The following KCNH2 variants were observed in gnomAD, a reference collection of about 807,000 sequenced individuals.
KCNH2 encodes the protein voltage-gated inwardly rectifying potassium channel KCNH2.
KCNH2 carries 35 observed loss-of-function variants against 95.9 expected under a neutral mutation model. The ratio of observed to expected loss-of-function variants is 0.37; its 90% confidence interval spans 0.28 to 0.48. The LOEUF is 0.48. Ranked by LOEUF, KCNH2 falls within the 20% of genes least tolerant of loss-of-function variation. The probability of loss-of-function intolerance (pLI) is 0.99; values close to 1 mark genes in which losing one functional copy is unlikely to be tolerated. For synonymous variants in KCNH2, 786 were observed against 754.7 expected (o/e 1.04, Z -0.68); for missense variants, 1,274 against 1,702.9 (o/e 0.75, Z 4.43).
Position 150,958,259 on chromosome 7 carries a change from G to A in KCNH2, c.716C>T (p.Ser239Phe). The change falls in exon 4 of 15, where the codon TCT becomes TTT. Residue 239 changes from serine to phenylalanine, a missense_variant. Coordinates refer to ENST00000262186, the MANE Select transcript of KCNH2 (RefSeq NM_000238.4). ...CTGGCCGGGCGCGCTGCGGGGCGGA[G>A]AGCCGGGACCCACCAGCGCACGCCG... ...EERRALVGPG[S>F]PPRSAPGQLP... is the part of the protein sequence containing the mutation. The A allele has an allele frequency of 1.4e-6, 2 of 1,434,370 alleles. No homozygotes were observed. The highest frequency in any genetic ancestry group is 1.8e-6 in the Non-Finnish European group (2 of 1,097,308). The allele number at this position is 1,434,370 out of a possible 1,614,324, so 88.9% of individuals were successfully genotyped here.
At chr7:150,974,336 C>A (rs1000796084) in intron 2 of KCNH2, among the ~76,000 whole-genome samples, 4 of 152,318 alleles carry the variant, frequency 2.6e-5, no homozygotes, top group Non-Finnish European at 5.9e-5. Flanking sequence ...GCACAACTGC[C>A]AATCTGACCT....
At position 150,948,489 on chromosome 7, in the gene KCNH2, G is replaced by A. The variant is rs201765446; in HGVS notation, c.2647C>T (p.Arg883Trp). The change falls in exon 11 of 15, where the codon CGG becomes TGG. Residue 883 changes from arginine to tryptophan, a missense_variant. Transcript: ENST00000262186. ...AAGGACAACTTGCGCTTGCGTTGCC[G>A]ACTGAAGCCACCCTCTAACTCCGTA... ...GSTELEGGFS[R>W]QRKRKLSFRR... 3.3e-5 allele frequency: 51 copies of A among 1,539,584 alleles called. No individual in the cohort carries two copies. The highest frequency in any genetic ancestry group is 2.5e-4 in the African/African-American group (18 of 71,288).
At chr7:150,972,370 G>A (rs919145457) in intron 2 of KCNH2, among the ~76,000 whole-genome samples, 1 of 150,686 alleles carries the variant, frequency 6.6e-6, no homozygotes, top group Non-Finnish European at 1.5e-5. Flanking sequence ...CCAGGCCCAT[G>A]TGTGAGTACA....
In KCNH2 at chr7:150,946,775, G is replaced by C; in HGVS notation, c.3330+102C>G. ...GAGGGCAGGAACAAGGTTCAGGGAGGCTGGGCCACAGAGCCCAGCAGAAAG... is the reference window on the plus strand; with the variant it reads ...GAGGGCAGGAACAAGGTTCAGGGAGCCTGGGCCACAGAGCCCAGCAGAAAG... On this transcript the variant is annotated intron_variant, in intron 14 of 14. Transcript: ENST00000262186. The surrounding 1 kb of genome is among the most constrained non-coding windows in gnomAD (Gnocchi z 6.5). The C allele has an allele frequency of 8.9e-7, 1 of 1,129,906 alleles. No individual in the cohort carries two copies. The allele number at this position is 1,129,906 out of a possible 1,614,324, so 70.0% of individuals were successfully genotyped here.
chr7:150,951,548 G>C lies in KCNH2; in HGVS notation c.1845C>G (p.Leu615=), dbSNP rs946076506. The C allele has an allele frequency of 3.1e-6, 5 of 1,614,166 alleles. No individual in the cohort carries two copies. Among genetic ancestry groups the C allele is most frequent in the Middle Eastern group, 3.3e-4 (2 of 6,058 alleles). ...TGGTGAGGCTGCTGAAGGTGAAGTA[G>C]AGCGCCGTCACATACTTGTCCTTGA... ...PSIKDKYVTA[L]YFTFSSLTSV... is the part of the protein sequence containing the mutation. The change falls in exon 7 of 15, where the codon CTC becomes CTG. Residue 615 remains leucine (L), a synonymous_variant. Coordinates refer to ENST00000262186, the MANE Select transcript of KCNH2 (RefSeq NM_000238.4).
At chr7:150,947,302 C>T (rs756425813) in intron 13 of KCNH2, 26 bp downstream of exon 13, 3 of 1,525,352 alleles carry the variant, frequency 2.0e-6, no homozygotes, top group Non-Finnish European at 2.6e-6. Flanking sequence ...AGGGCGTGCC[C>T]CCCCACCCCA....
intron 2 of KCNH2, among the ~76,000 whole-genome samples, chr7:150,973,577 T>C (rs1016729906): frequency 4.6e-5 from 7 of 152,340 alleles, no homozygotes; most frequent in African/African-American, 1.7e-4. Context: ...GCGAACCTTC[T>C]TCCACAGGGT....
chr7:150,949,052 G>A lies in KCNH2; in HGVS notation c.2399-3C>T, dbSNP rs760014551. 3 of 1,613,608 alleles carry A rather than the reference G, an allele frequency of 1.9e-6. No homozygotes were observed. The highest frequency in any genetic ancestry group is 4.5e-5 in the East Asian group (2 of 44,868). ...CTCCCCAAAGATGTCATTCTTCCCT[G>A]GAGGCCATGGAGAGGACAGGGAGCT... On this transcript the variant is annotated splice_region_variant and splice_polypyrimidine_tract_variant and intron_variant, in intron 9 of 14. Coordinates refer to ENST00000262186, the MANE Select transcript of KCNH2 (RefSeq NM_000238.4).
chr7:150,964,336 C>T (rs539886230), intron 2 of KCNH2, among the ~76,000 whole-genome samples: 7 of 152,340 alleles, frequency 4.6e-5, no homozygotes, highest in South Asian at 4.1e-4. Flanking sequence ...CAACAAGACA[C>T]GCCTGGCACC....
At chr7:150,959,512 A>C in intron 3 of KCNH2, 60 bp downstream of exon 3, 1 of 1,592,958 alleles carries the variant, frequency 6.3e-7, no homozygotes, top group South Asian at 1.1e-5. Flanking sequence ...TGGACAGCTC[A>C]CAGCCCCAAA....
At chr7:150,957,935 G>C in intron 4 of KCNH2, 124 bp downstream of exon 4, 1 of 710,380 alleles carries the variant, frequency 1.4e-6, no homozygotes, top group Non-Finnish European at 2.1e-6. Context: ...TGCTTAATGG[G>C]ATTTCCATCT....
At chr7:150,948,407 T>TGCCC in intron 11 of KCNH2, 37 bp downstream of exon 11, 12 of 1,219,274 alleles carry the variant, frequency 9.8e-6, no homozygotes, top group Non-Finnish European at 1.2e-5. Flanking sequence ...CCTCACCTTG[T>TGCCC]CCCCGCCCTC....
intron 2 of KCNH2, among the ~76,000 whole-genome samples, chr7:150,968,501 G>C (rs1163761887): frequency 6.6e-6 from 1 of 152,154 alleles, no homozygotes; most frequent in African/African-American, 2.4e-5. Flanking sequence ...ACAACATATA[G>C]CACAATATCA....
chr7:150,951,976 C>G (rs933159811), intron 6 of KCNH2, 141 bp from the exon 7 acceptor site: 7 of 751,604 alleles, frequency 9.3e-6, no homozygotes, highest in Non-Finnish European at 1.1e-5. Context: ...AGGTGAAGCC[C>G]ACACTGGGCC....
In KCNH2 at chr7:150,952,566, G is replaced by A. The variant is rs770899326; in HGVS notation, c.1416C>T (p.Arg472=). ...MFIVDILINF[R]TTYVNANEEV... Reference sequence around the variant, plus strand: ...CCTCGTTGGCATTGACGTAGGTGGTGCGGAAGTTGATGAGGATGTCCACAA... The same window carrying A: ...CCTCGTTGGCATTGACGTAGGTGGTACGGAAGTTGATGAGGATGTCCACAA... The change falls in exon 6 of 15, where the codon CGC becomes CGT. Residue 472 remains arginine (R), a synonymous_variant. Transcript: ENST00000262186. The surrounding 1 kb of genome is among the most constrained non-coding windows in gnomAD (Gnocchi z 7.3). 6.2e-7 allele frequency: 1 copy of A among 1,614,210 alleles called. No individual in the cohort carries two copies. The highest frequency in any genetic ancestry group is 8.5e-7 in the Non-Finnish European group (1 of 1,180,044).
intron 5 of KCNH2, among the ~76,000 whole-genome samples, chr7:150,956,771 G>T (rs1446399580): frequency 2.0e-5 from 3 of 152,106 alleles, no homozygotes; most frequent in African/African-American, 7.2e-5. Flanking sequence ...GGCCATCCTG[G>T]CCATCCCCAC....
intron 7 of KCNH2, 123 bp downstream of exon 7, chr7:150,951,325 G>T: frequency 1.6e-6 from 2 of 1,250,002 alleles, no homozygotes; most frequent in Non-Finnish European, 2.3e-6. Flanking sequence ...ATGTCACGAT[G>T]GTGGCCCCTG....
intron 5 of KCNH2, chr7:150,955,820 C>T: frequency 9.0e-7 from 1 of 1,113,530 alleles, no homozygotes; most frequent in Non-Finnish European, 1.1e-6. Flanking sequence ...CTCAGCTCCT[C>T]CAGCCGGCCC....
At chr7:150,960,385 A>G (rs1801524194) in intron 2 of KCNH2, among the ~76,000 whole-genome samples, 1 of 152,214 alleles carries the variant, frequency 6.6e-6, no homozygotes, top group Non-Finnish European at 1.5e-5. Flanking sequence ...TTTTCTCATG[A>G]GTTATAAAGA....
Sources: allele counts gnomAD v4.1 joint callset (sites outside exome capture counted in the v4.1 genomes callset), GRCh38; gene constraint gnomAD v4.1.1; non-coding constraint Gnocchi (gnomAD v3.1); transcripts MANE v1.5; gene names NCBI Gene and HGNC (gene_info 2026-07-23, HGNC 2026-07-21).